The following UBAC2 variants were observed in gnomAD, a reference collection of about 807,000 sequenced individuals.
UBAC2 encodes ubiquitin-associated domain-containing protein 2.
UBAC2 carries 26 observed loss-of-function variants against 44.0 expected under a neutral mutation model. The ratio of observed to expected loss-of-function variants is 0.59; its 90% CI spans 0.43 to 0.82. The LOEUF is 0.82. Among genes scored for constraint, UBAC2 ranks in the 40% least tolerant of loss-of-function variants. UBAC2 has a pLI of 0.00. For missense variants in UBAC2, 329 were observed against 419.4 expected (o/e 0.78, Z 1.88); for synonymous variants, 155 against 154.3 (o/e 1.00, Z -0.04).
chr13:99,238,874 G>C (rs754037204), intron 2 of UBAC2, among the ~76,000 whole-genome samples: 5 of 152,146 alleles, frequency 3.3e-5, no homozygotes, highest in Non-Finnish European at 7.3e-5. Context: ...GGCATACTTA[G>C]CTTTGCCAAA....
intron 6 of UBAC2, among the ~76,000 whole-genome samples, chr13:99,338,047 C>CTTTTTCTTTTTTTTTTT (rs2044821100): frequency 5.5e-4 from 27 of 48,864 alleles, no homozygotes; most frequent in African/African-American, 1.5e-3. Context: ...TTCTTTTTTT[C>CTTTTTCTTTTTTTTTTT]TTTTTTTTTT....
rs564203717 is a variant in UBAC2 at position 99,286,960 on chromosome 13, G to A, written c.390-27137G>A. 2.4e-3 allele frequency among the ~76,000 whole-genome samples: 358 copies of A among 151,984 alleles called. 2 individuals are homozygous for A. The highest frequency in any genetic ancestry group is 3.5e-3 in the Non-Finnish European group (240 of 67,958). On this transcript the variant is annotated intron_variant, in intron 4 of 8. Coordinates refer to ENST00000403766, the MANE Select transcript of UBAC2 (RefSeq NM_001144072.2). ...TCCCTGAATTTCTGCCTCTACCCCC[G>A]ATGTAACAAGAGTAAGGGCATGTGT... is the stretch of plus-strand genomic sequence containing the variant.
chr13:99,330,747 A>G (rs1354603128), intron 6 of UBAC2, among the ~76,000 whole-genome samples: 2 of 152,122 alleles, frequency 1.3e-5, no homozygotes, highest in Non-Finnish European at 2.9e-5. Flanking sequence ...TAGATGGAAA[A>G]CGTTGAGTTT....
At chr13:99,347,650 G>A (rs572275282) in intron 7 of UBAC2, among the ~76,000 whole-genome samples, 1 of 151,942 alleles carries the variant, frequency 6.6e-6, no homozygotes, top group African/African-American at 2.4e-5. Context: ...TGACCAGGGT[G>A]ATGGCTCTAT....
chr13:99,303,208 A>G (rs1737237795), intron 4 of UBAC2, among the ~76,000 whole-genome samples: 1 of 152,264 alleles, frequency 6.6e-6, no homozygotes, highest in Non-Finnish European at 1.5e-5. Flanking sequence ...AGAAAAAGAC[A>G]GAAAAACATC....
At position 99,217,714 on chromosome 13, in the gene UBAC2, G is replaced by A. The variant is rs182235571; in HGVS notation, c.31+16775G>A. Among the ~76,000 whole-genome samples the A allele has an allele frequency of 7.3e-3, 1,115 of 152,278 alleles. 19 individuals carry two copies. Among genetic ancestry groups the A allele is most frequent in the African/African-American group, 0.026 (1,065 of 41,552 alleles). On this transcript the variant is annotated intron_variant, in intron 1 of 8. Transcript: ENST00000403766. ...TTCCTTTGGTCTCTGTGGAGGTTGT[G>A]GGGGGCAGGTTGGAGAGGAGAGTTA...
intron 7 of UBAC2, among the ~76,000 whole-genome samples, chr13:99,342,544 G>A (rs1370674378): frequency 6.6e-6 from 1 of 152,048 alleles, no homozygotes; most frequent in Non-Finnish European, 1.5e-5. Context: ...GAGATAGGTC[G>A]GCCTAGGTGA....
intron 4 of UBAC2, among the ~76,000 whole-genome samples, chr13:99,262,482 C>T (rs1170787701): frequency 1.3e-5 from 2 of 152,052 alleles, no homozygotes; most frequent in Non-Finnish European, 2.9e-5. Context: ...GCGGGTGGAT[C>T]ACCTGAGGTC....
At chr13:99,276,367 C>T (rs2043882460) in intron 4 of UBAC2, among the ~76,000 whole-genome samples, 1 of 152,208 alleles carries the variant, frequency 6.6e-6, no homozygotes, top group Non-Finnish European at 1.5e-5. Flanking sequence ...GGGGTTCCCA[C>T]AAGGTCTGTA....
chr13:99,296,062 G>A (rs749348020), intron 4 of UBAC2: 2 of 1,613,944 alleles, frequency 1.2e-6, no homozygotes, highest in African/African-American at 2.7e-5. Flanking sequence ...TCCTGGCCGT[G>A]CTGTGATGTG....
At chr13:99,271,193 A>G (rs2043810963) in intron 4 of UBAC2, among the ~76,000 whole-genome samples, 1 of 152,210 alleles carries the variant, frequency 6.6e-6, no homozygotes. Context: ...TGTTGTACAA[A>G]ACTAAATAAA....
chr13:99,350,523 C>G (rs1467769834), intron 7 of UBAC2, among the ~76,000 whole-genome samples: 1 of 152,222 alleles, frequency 6.6e-6, no homozygotes, highest in African/African-American at 2.4e-5. Context: ...GTTTAGAGAA[C>G]TTCCAGATTG....
At chr13:99,280,486 C>T (rs1004623760) in intron 4 of UBAC2, among the ~76,000 whole-genome samples, 2 of 152,226 alleles carry the variant, frequency 1.3e-5, no homozygotes, top group Non-Finnish European at 2.9e-5. Context: ...AACCCTGCTC[C>T]AGCCAGAGTT....
chr13:99,324,008 T>G (rs377605288), intron 6 of UBAC2, among the ~76,000 whole-genome samples: 1 of 152,192 alleles, frequency 6.6e-6, no homozygotes, highest in African/African-American at 2.4e-5. Flanking sequence ...TCTAGCCTCC[T>G]TTCAAAATGC....
Position 99,295,978 on chromosome 13 carries a change from A to G in UBAC2, c.390-18119A>G, listed in dbSNP as rs768694635. On this transcript the variant is annotated intron_variant, in intron 4 of 8. Transcript: ENST00000403766. The surrounding 1 kb of genome is among the most constrained non-coding windows in gnomAD (Gnocchi z 4.1). ...AGTTGATTTTTTTCCTGTTTTGAAC[A>G]ATGACGACCAAGGCTAGTAAGTTTC... 1.2e-6 allele frequency: 2 copies of G among 1,614,206 alleles called. No homozygotes were observed. The highest frequency in any genetic ancestry group is 1.7e-5 in the Admixed American group (1 of 60,026).
intron 4 of UBAC2, among the ~76,000 whole-genome samples, chr13:99,278,448 AG>A (rs1026424534): frequency 3.3e-5 from 5 of 152,168 alleles, no homozygotes; most frequent in African/African-American, 4.8e-5. Context: ...AGTATTTTTA[AG>A]GGAAGTGGGT....
chr13:99,352,885 AC>A (rs1317733688), intron 7 of UBAC2, among the ~76,000 whole-genome samples: 2 of 152,062 alleles, frequency 1.3e-5, no homozygotes, highest in African/African-American at 4.8e-5. Context: ...CTCCGTCTCC[AC>A]CCCTGTGTCC....
intron 7 of UBAC2, among the ~76,000 whole-genome samples, chr13:99,358,037 A>G (rs2045212859): frequency 6.6e-6 from 1 of 152,200 alleles, no homozygotes; most frequent in Non-Finnish European, 1.5e-5. Context: ...TTAGCCTGCA[A>G]GTGAAATGGG....
At chr13:99,351,084 C>T (rs946810766) in intron 7 of UBAC2, among the ~76,000 whole-genome samples, 1 of 152,192 alleles carries the variant, frequency 6.6e-6, no homozygotes, top group African/African-American at 2.4e-5. Flanking sequence ...CAGTTAGGGA[C>T]TCAATCCTGG....
Sources: gnomAD v4.1 joint callset for allele counts (sites outside exome capture counted in the v4.1 genomes callset) on GRCh38, gnomAD v4.1.1 for gene constraint, Gnocchi (gnomAD v3.1) non-coding constraint, MANE v1.5 for transcripts, NCBI Gene and HGNC (gene_info 2026-07-23, HGNC 2026-07-21) for gene names.